The following MET variants were observed in gnomAD, a reference collection of about 807,000 sequenced individuals.
The protein encoded by MET is hepatocyte growth factor receptor.
In MET, 48 loss-of-function variants were observed where a neutral mutation model predicts 133.1. That is an observed-to-expected ratio of 0.36 (90% CI 0.29 to 0.46). MET has a LOEUF of 0.46. MET is among the 20% of genes least tolerant of loss of function. MET has a pLI of 1.00. For synonymous variants in MET, 628 were observed against 616.5 expected (o/e 1.02, Z -0.28); for missense variants, 1,442 against 1,695.9 (o/e 0.85, Z 2.63).
At chr7:116,761,445 C>T (rs534880861) in intron 10 of MET, among the ~76,000 whole-genome samples, 1 of 152,210 alleles carries the variant, frequency 6.6e-6, no homozygotes, top group South Asian at 2.1e-4. Flanking sequence ...GAATTTAAAG[C>T]TGACCATGAT....
intron 17 of MET, among the ~76,000 whole-genome samples, chr7:116,780,127 A>T (rs1584962481): frequency 6.6e-6 from 1 of 152,312 alleles, no homozygotes; most frequent in Admixed American, 6.5e-5. Context: ...AGGGTTACAA[A>T]AAAAGGTTCT....
At position 116,734,409 on chromosome 7, in the gene MET, G is replaced by GC. The variant is rs569047642; in HGVS notation, c.1392+2554dup. ...GCTCTGGCTGGGAACACAAGCTACAGCCCCAGCTGTTGGGTGCAAAGTGAA... is the reference window on the plus strand; with the variant it reads ...GCTCTGGCTGGGAACACAAGCTACAGCCCCCAGCTGTTGGGTGCAAAGTGAA... On this transcript the variant is annotated intron_variant, in intron 3 of 20. Transcript: ENST00000397752. Among the ~76,000 whole-genome samples, 3 of 152,314 alleles carry GC rather than the reference G, an allele frequency of 2.0e-5. No individual in the cohort carries two copies. In the East Asian group the frequency reaches 5.8e-4, roughly 29 times the overall value.
At chr7:116,770,035 T>G (rs1794782627) in intron 12 of MET, 2 of 550,962 alleles carry the variant, frequency 3.6e-6, no homozygotes, top group South Asian at 4.0e-5. Context: ...CACGCCACAC[T>G]CTTCCCAAAA....
chr7:116,745,355 C>A (rs1793626825), intron 5 of MET, among the ~76,000 whole-genome samples: 1 of 152,128 alleles, frequency 6.6e-6, no homozygotes, highest in Non-Finnish European at 1.5e-5. Flanking sequence ...CCATACTGCC[C>A]AAGGTAATTT....
At chr7:116,765,847 A>G (rs1313955104) in intron 11 of MET, among the ~76,000 whole-genome samples, 1 of 152,174 alleles carries the variant, frequency 6.6e-6, no homozygotes, top group East Asian at 1.9e-4. Flanking sequence ...AGGTAAACAA[A>G]GGTTTAGGAA....
At chr7:116,703,943 T>A (rs1337947187) in intron 2 of MET, among the ~76,000 whole-genome samples, 2 of 152,216 alleles carry the variant, frequency 1.3e-5, no homozygotes, top group African/African-American at 4.8e-5. Context: ...TTCTTGAAGT[T>A]CTATTATCAA....
At chr7:116,754,904 A>AAAGAAAGAAAG (rs1794075676) in intron 5 of MET, among the ~76,000 whole-genome samples, 2 of 86,372 alleles carry the variant, frequency 2.3e-5, no homozygotes, top group South Asian at 7.7e-4. Flanking sequence ...AGAAAGAAAG[A>AAAGAAAGAAAG]AAGAAAGAAA....
intron 16 of MET, 140 bp downstream of exon 16, chr7:116,777,609 ATT>A (rs1795035377): frequency 1.2e-6 from 1 of 837,910 alleles, no homozygotes; most frequent in East Asian, 2.6e-5. Context: ...AATCCTGAAA[ATT>A]TGTTTTGTTC....
At position 116,699,273 on chromosome 7, in the gene MET, C is replaced by T. The variant is rs2116582478; in HGVS notation, c.189C>T (p.Phe63=). The change falls in exon 2 of 21, where the codon TTC becomes TTT. Residue 63 remains phenylalanine, a synonymous_variant. Coordinates refer to ENST00000397752, the MANE Select transcript of MET (RefSeq NM_000245.4). The part of the protein sequence containing the change: ...QNVILHEHHI[F]LGATNYIYVL... Reference sequence around the variant, plus strand: ...TCATTCTACATGAGCATCACATTTTCCTTGGTGCCACTAACTACATTTATG... The same window carrying T: ...TCATTCTACATGAGCATCACATTTTTCTTGGTGCCACTAACTACATTTATG... The T allele has an allele frequency of 6.2e-7, 1 of 1,614,038 alleles. No homozygotes were observed. The highest frequency in any genetic ancestry group is 8.5e-7 in the Non-Finnish European group (1 of 1,179,946).
chr7:116,725,947 G>A (rs1272557212), intron 2 of MET, among the ~76,000 whole-genome samples: 1 of 149,252 alleles, frequency 6.7e-6, no homozygotes, highest in Non-Finnish European at 1.5e-5. Context: ...TAAGGTGGGA[G>A]AATTGCTTGA....
chr7:116,690,648 A>G (rs1005311855), intron 1 of MET, among the ~76,000 whole-genome samples: 1 of 152,236 alleles, frequency 6.6e-6, no homozygotes, highest in African/African-American at 2.4e-5. Context: ...TTAAGTCTTT[A>G]GGCATAAGAA....
intron 14 of MET, among the ~76,000 whole-genome samples, chr7:116,773,595 A>AC (rs779850530): frequency 6.6e-6 from 1 of 152,042 alleles, no homozygotes; most frequent in Non-Finnish European, 1.5e-5. Flanking sequence ...AGGTTTAGAG[A>AC]CCCTGACTCC....
rs1339077062 is a variant in MET, at chr7:116,777,484, A to G, written c.3340+15A>G. 1.9e-6 allele frequency: 3 copies of G among 1,612,174 alleles called. No individual in the cohort carries two copies. The highest frequency in any genetic ancestry group is 1.3e-5 in the African/African-American group (1 of 75,022). ...ATCCTTGAACAGTAAGTGGCATTTTATTTAACCATGGAGTATACTTTTGTG... is the reference window on the plus strand; with the variant it reads ...ATCCTTGAACAGTAAGTGGCATTTTGTTTAACCATGGAGTATACTTTTGTG... On this transcript the variant is annotated intron_variant, in intron 16 of 20. Transcript: ENST00000397752.
rs753009009 is a variant in MET at position 116,740,095 on chromosome 7, C to A, written c.1527+11C>A. On this transcript the variant is annotated intron_variant, in intron 4 of 20. Coordinates refer to ENST00000397752, the MANE Select transcript of MET (RefSeq NM_000245.4). ...ATCACTGGGAAGAAGGTAAGCTGTTCCCACAGGGAATTTCCATAGACGTGG... is the reference window on the plus strand; with the variant it reads ...ATCACTGGGAAGAAGGTAAGCTGTTACCACAGGGAATTTCCATAGACGTGG... 1 of 1,613,882 alleles carries A rather than the reference C, an allele frequency of 6.2e-7. No homozygotes were observed. The highest frequency in any genetic ancestry group is 1.1e-5 in the South Asian group (1 of 91,054).
rs540389033 is a variant in MET, at chr7:116,707,456, A to G, written c.1200+7172A>G. The stretch of plus-strand genomic sequence containing the variant: ...TAAGGTTAGTTTTGATTTGTAAACC[A>G]TTCTCTTCGAAGGCTGATTTTATAA... On this transcript the variant is annotated intron_variant, in intron 2 of 20. Coordinates refer to ENST00000397752, the MANE Select transcript of MET (RefSeq NM_000245.4). Among the ~76,000 whole-genome samples, 3 of 152,264 alleles carry G rather than the reference A, an allele frequency of 2.0e-5. No homozygotes were observed. In the East Asian group the frequency reaches 5.8e-4, roughly 29 times the overall value.
intron 1 of MET, among the ~76,000 whole-genome samples, chr7:116,683,345 A>T (rs1042871389): frequency 1.3e-5 from 2 of 152,218 alleles, no homozygotes; most frequent in African/African-American, 4.8e-5. Context: ...TTTGCTAAGG[A>T]TAACAGCCTC....
chr7:116,768,343 A>G (rs1794707357), intron 11 of MET, among the ~76,000 whole-genome samples: 2 of 152,224 alleles, frequency 1.3e-5, no homozygotes, highest in African/African-American at 2.4e-5. Context: ...ATTCCCTCCA[A>G]TATGTGGATA....
chr7:116,722,473 C>G (rs1219182965), intron 2 of MET, among the ~76,000 whole-genome samples: 1 of 151,224 alleles, frequency 6.6e-6, no homozygotes, highest in Non-Finnish European at 1.5e-5. Flanking sequence ...AGCATTTAGT[C>G]CATTTACATT....
intron 2 of MET, among the ~76,000 whole-genome samples, chr7:116,710,805 A>G (rs1211517175): frequency 6.6e-6 from 1 of 152,162 alleles, no homozygotes; most frequent in Non-Finnish European, 1.5e-5. Context: ...TAACAATCCA[A>G]TTGAATGCAG....
Sources: gnomAD v4.1 joint callset for allele counts (sites outside exome capture counted in the v4.1 genomes callset) on GRCh38, gnomAD v4.1.1 for gene constraint, MANE v1.5 for transcripts, NCBI Gene and HGNC (gene_info 2026-07-23, HGNC 2026-07-21) for gene names.